Variants in DHDDS observed in about 807,000 individuals in gnomAD.
The protein encoded by DHDDS is dehydrodolichyl diphosphate synthase subunit.
DHDDS carries 16 observed loss-of-function variants against 46.2 expected under a neutral mutation model. That is an observed-to-expected ratio of 0.35 (90% CI 0.23 to 0.53). The LOEUF (loss-of-function observed/expected upper bound fraction) is 0.53. Ranked by LOEUF, DHDDS falls within the 20% of genes least tolerant of loss-of-function variation. The pLI, the probability that DHDDS is intolerant of heterozygous loss-of-function variation, is 0.94. For synonymous variants in DHDDS, 151 were observed against 163.1 expected, an observed-to-expected ratio of 0.93 and a Z score of 0.56; for missense variants, 340 against 423.7, an observed-to-expected ratio of 0.80 and a Z score of 1.73.
At position 26,469,118 on chromosome 1, in the gene DHDDS, C is replaced by T; in HGVS notation, c.989C>T (p.Thr330Ile). 6.2e-7 allele frequency: 1 copy of T among 1,612,032 alleles called. No homozygotes were observed. The highest frequency in any genetic ancestry group is 8.5e-7 in the Non-Finnish European group (1 of 1,180,048). Reference sequence around the variant, plus strand: ...GCTGACTGGCTGGCCCGTCTGGGCACTGCATCAGCCTGAATGAGGCTGGCC... The same window carrying T: ...GCTGACTGGCTGGCCCGTCTGGGCATTGCATCAGCCTGAATGAGGCTGGCC... ...KRADWLARLGTASA is the reference protein window; with the variant it reads ...KRADWLARLGIASA Residue 330 changes from threonine (T) to isoleucine (I), a missense_variant, in exon 9 of 9, where the codon ACT (threonine) becomes ATT (isoleucine). Coordinates refer to ENST00000236342, the MANE Select transcript of DHDDS (RefSeq NM_205861.3).
At chr1:26,445,523 G>A (rs1403783332) in intron 4 of DHDDS, among the ~76,000 whole-genome samples, 1 of 152,148 alleles carries the variant, frequency 6.6e-6, no homozygotes, top group Non-Finnish European at 1.5e-5. Context: ...GACCACCTTG[G>A]GCAACATAGT....
intron 4 of DHDDS, 51 bp downstream of exon 4, chr1:26,442,924 A>G (rs2075233133): frequency 6.2e-7 from 1 of 1,612,646 alleles, no homozygotes; most frequent in Non-Finnish European, 8.5e-7. Flanking sequence ...CCCCAGCCTT[A>G]TCCTAACCCT....
chr1:26,468,811 G>GGCCCCCCCCCC, intron 8 of DHDDS, 84 bp from the exon 9 acceptor site: 2 of 637,984 alleles, frequency 3.1e-6, no homozygotes, highest in East Asian at 4.0e-5. Flanking sequence ...CCCACCCTGT[G>GGCCCCCCCCCC]CCCCACCCCC....
At chr1:26,457,418 C>T (rs2075380480) in intron 6 of DHDDS, among the ~76,000 whole-genome samples, 1 of 151,406 alleles carries the variant, frequency 6.6e-6, no homozygotes, top group South Asian at 2.1e-4. Context: ...TGCAGTGAGC[C>T]GAGATCGTGC....
At chr1:26,436,000 T>C (rs907627124) in intron 2 of DHDDS, among the ~76,000 whole-genome samples, 1 of 151,896 alleles carries the variant, frequency 6.6e-6, no homozygotes, top group Admixed American at 6.6e-5. Context: ...TCCACCCACC[T>C]TGGCCTCCCA....
intron 2 of DHDDS, among the ~76,000 whole-genome samples, chr1:26,434,349 A>G (rs1377418143): frequency 1.3e-5 from 2 of 152,180 alleles, no homozygotes; most frequent in African/African-American, 4.8e-5. Flanking sequence ...TGAGTCAGTA[A>G]CCTTTATACA....
chr1:26,460,262 A>AGTAGGTG, intron 8 of DHDDS, 118 bp downstream of exon 8: 1 of 831,282 alleles, frequency 1.2e-6, no homozygotes, highest in Non-Finnish European at 2.1e-6. Flanking sequence ...TAATGATGAT[A>AGTAGGTG]GTAGCTACCA....
At chr1:26,454,818 T>G in intron 6 of DHDDS, 1 of 1,580,906 alleles carries the variant, frequency 6.3e-7, no homozygotes, top group Non-Finnish European at 8.6e-7. Flanking sequence ...CGGCACATCT[T>G]AGGTGCTTTG....
chr1:26,465,143 T>G (rs1293990454), intron 8 of DHDDS, among the ~76,000 whole-genome samples: 6 of 152,206 alleles, frequency 3.9e-5, no homozygotes, highest in Non-Finnish European at 8.8e-5. Flanking sequence ...GCATGGATGG[T>G]AGGTCCTTGA....
At chr1:26,438,685 C>A (rs2075186150) in intron 3 of DHDDS, 1 of 229,612 alleles carries the variant, frequency 4.4e-6, no homozygotes, top group Non-Finnish European at 8.8e-6. Flanking sequence ...GAGATTGTGC[C>A]CCTGTACTCT....
In DHDDS at chr1:26,447,695, GA is replaced by G. The variant is rs772924790; in HGVS notation, c.542+39del. The G allele has an allele frequency of 5.1e-6, 8 of 1,583,124 alleles. No homozygotes were observed. In the African/African-American group the frequency reaches 9.4e-5, roughly 19 times the overall value. On this transcript the variant is annotated intron_variant, in intron 6 of 8. Coordinates refer to ENST00000236342, the MANE Select transcript of DHDDS (RefSeq NM_205861.3). ...GTTGTTTTGCATGGTAATTGTTAAG[GA>G]AAACAGGCCTGGGCCAGCATGGCAG...
rs2075549163 is a variant in DHDDS at position 26,470,879 on chromosome 1, G to C, written c.*1748G>C. ...GAATGAGGGGCTGGAGGCAGCAAAC[G>C]GAATCTGCCCTATGAGCGTGGCTGT... On this transcript the variant is annotated 3_prime_UTR_variant, in exon 9 of 9. Transcript: ENST00000236342. 3 of 152,748 alleles carry C rather than the reference G, an allele frequency of 2.0e-5. No individual in the cohort carries two copies. Among genetic ancestry groups the C allele is most frequent in the Admixed American group, 2.0e-4 (3 of 15,284 alleles). The allele number at this position is 152,748 out of a possible 1,614,324, so 9.5% of individuals were successfully genotyped here. A position where few individuals can be genotyped will look rare whatever the true frequency, so the allele number is the denominator to read the frequency against.
At chr1:26,461,625 T>A (rs2075423315) in intron 8 of DHDDS, among the ~76,000 whole-genome samples, 1 of 152,192 alleles carries the variant, frequency 6.6e-6, no homozygotes, top group Non-Finnish European at 1.5e-5. Context: ...CCTCAGGTGA[T>A]CCGCCCGCCT....
Position 26,471,057 on chromosome 1 carries a change from T to C in DHDDS, c.*1926T>C, listed in dbSNP as rs1439085459. ...GGAGAAGCTGCCCCAGGAGGCGATG[T>C]AGTGGTGGAAAGAAGAGGCAGAGAG... On this transcript the variant is annotated 3_prime_UTR_variant, in exon 9 of 9. Coordinates refer to ENST00000236342, the MANE Select transcript of DHDDS (RefSeq NM_205861.3). 1 of 152,272 alleles carries C rather than the reference T, an allele frequency of 6.6e-6. No homozygotes were observed. Among genetic ancestry groups the C allele is most frequent in the Non-Finnish European group, 1.5e-5 (1 of 68,138 alleles). The allele number at this position is 152,272 out of a possible 1,614,324, so 9.4% of individuals were successfully genotyped here. A position where few individuals can be genotyped will look rare whatever the true frequency, so the allele number is the denominator to read the frequency against.
chr1:26,456,265 G>T (rs1327683023), intron 6 of DHDDS, among the ~76,000 whole-genome samples: 1 of 152,164 alleles, frequency 6.6e-6, no homozygotes, highest in Non-Finnish European at 1.5e-5. Flanking sequence ...CTAGCTACTT[G>T]GGAAGCTGAG....
intron 3 of DHDDS, 118 bp downstream of exon 3, chr1:26,438,402 TTTA>T: frequency 1.0e-6 from 1 of 967,842 alleles, no homozygotes; most frequent in Non-Finnish European, 1.7e-6. Flanking sequence ...GTCTCTGTGT[TTTA>T]TTGTTTGCTT....
chr1:26,451,996 C>T (rs991032331), intron 6 of DHDDS, among the ~76,000 whole-genome samples: 2 of 152,102 alleles, frequency 1.3e-5, no homozygotes, highest in African/African-American at 4.8e-5. Context: ...ATCTGCCCAC[C>T]TTGGCCTCCC....
chr1:26,438,044 G>A lies in DHDDS; in HGVS notation c.64-124G>A. 5.3e-6 allele frequency: 5 copies of A among 945,628 alleles called. No homozygotes were observed. The South Asian group carries it at 6.5e-5, about 12-fold the overall frequency. The allele number at this position is 945,628 out of a possible 1,614,324, so 58.6% of individuals were successfully genotyped here. A position where few individuals can be genotyped will look rare whatever the true frequency, so the allele number is the denominator to read the frequency against. On this transcript the variant is annotated intron_variant, in intron 2 of 8. Coordinates refer to ENST00000236342, the MANE Select transcript of DHDDS (RefSeq NM_205861.3). Reference sequence around the variant, plus strand: ...CTTTTTACTGAGTTAAAAGCACAAAGTACCCAATTCCCTTCGTCAGGGTTT... The same window carrying A: ...CTTTTTACTGAGTTAAAAGCACAAAATACCCAATTCCCTTCGTCAGGGTTT...
At chr1:26,441,269 G>T (rs2075216737) in intron 3 of DHDDS, among the ~76,000 whole-genome samples, 1 of 150,646 alleles carries the variant, frequency 6.6e-6, no homozygotes, top group Non-Finnish European at 1.5e-5. Flanking sequence ...AGGCTGGAGT[G>T]CAGTGGTGAG....
Sources: gnomAD v4.1 joint callset for allele counts (sites outside exome capture counted in the v4.1 genomes callset) on GRCh38, gnomAD v4.1.1 for gene constraint, MANE v1.5 for transcripts, NCBI Gene and HGNC (gene_info 2026-07-23, HGNC 2026-07-21) for gene names.